Variants in LRCH1 observed in about 807,000 individuals in gnomAD.
LRCH1 encodes the protein leucine rich repeats and calponin homology domain containing 1.
Under a neutral mutation model 94.9 loss-of-function variants are expected in LRCH1, and 23 were observed. The ratio of observed to expected loss-of-function variants is 0.24; its 90% CI spans 0.17 to 0.34. The LOEUF (loss-of-function observed/expected upper bound fraction) is 0.34, where lower values mean the gene tolerates loss of function less well. Ranked by LOEUF, LRCH1 falls within the 10% of genes least tolerant of loss-of-function variation. The probability of loss-of-function intolerance (pLI) is 1.00; values close to 1 mark genes in which losing one functional copy is unlikely to be tolerated. For synonymous variants in LRCH1, 364 were observed against 354.9 expected (o/e 1.03, Z -0.29); for missense variants, 790 against 945.9 (o/e 0.84, Z 2.16).
At chr13:46,625,225 C>T (rs1472529557) in intron 1 of LRCH1, among the ~76,000 whole-genome samples, 1 of 152,244 alleles carries the variant, frequency 6.6e-6, no homozygotes, top group Non-Finnish European at 1.5e-5. Flanking sequence ...GTACCCTCTT[C>T]CATACTCTTC....
intron 1 of LRCH1, among the ~76,000 whole-genome samples, chr13:46,611,925 T>C (rs1372329306): frequency 6.6e-6 from 1 of 152,234 alleles, no homozygotes; most frequent in Non-Finnish European, 1.5e-5. Flanking sequence ...TTGCCATTGT[T>C]GTCAGTATGT....
At chr13:46,562,712 A>C (rs778444267) in intron 1 of LRCH1, among the ~76,000 whole-genome samples, 13 of 152,058 alleles carry the variant, frequency 8.5e-5, no homozygotes, top group Non-Finnish European at 1.9e-4. Context: ...GTGTAAACTG[A>C]TCTTGGACTT....
At chr13:46,697,093 A>G (rs1002785337) in intron 9 of LRCH1, among the ~76,000 whole-genome samples, 4 of 152,190 alleles carry the variant, frequency 2.6e-5, no homozygotes, top group Non-Finnish European at 5.9e-5. Flanking sequence ...TATGCTTTAC[A>G]TAATCCTGTT....
chr13:46,659,162 A>AGATT (rs1465028472), intron 2 of LRCH1, among the ~76,000 whole-genome samples: 2 of 128,394 alleles, frequency 1.6e-5, no homozygotes, highest in African/African-American at 3.0e-5. Context: ...CAAATACTTC[A>AGATT]GATTTATTTA....
chr13:46,733,502 A>G lies in LRCH1; in HGVS notation c.2008-419A>G, dbSNP rs183774241. Among the ~76,000 whole-genome samples the G allele has an allele frequency of 1.1e-3, 169 of 152,328 alleles. 1 individual carries two copies. The highest frequency in any genetic ancestry group is 0.01 in the Middle Eastern group (3 of 294). On this transcript the variant is annotated intron_variant, in intron 18 of 19. Coordinates refer to ENST00000389797, the MANE Select transcript of LRCH1 (RefSeq NM_001164211.2). ...TAGGCAAACTAAAACAGGTTACACA[A>G]CAGTATGATCCCGTAAAAACTATAT...
chr13:46,625,015 T>C (rs1376875449), intron 1 of LRCH1, among the ~76,000 whole-genome samples: 2 of 152,242 alleles, frequency 1.3e-5, no homozygotes, highest in African/African-American at 4.8e-5. Context: ...AACAGTCTAT[T>C]CAGCCTTACT....
chr13:46,573,467 G>A (rs2050263078), intron 1 of LRCH1, among the ~76,000 whole-genome samples: 1 of 152,114 alleles, frequency 6.6e-6, no homozygotes, highest in Admixed American at 6.6e-5. Context: ...GCCAAGATTT[G>A]AAAGCATCCT....
intron 1 of LRCH1, among the ~76,000 whole-genome samples, chr13:46,647,890 T>C (rs761933063): frequency 4.6e-5 from 7 of 152,024 alleles, no homozygotes; most frequent in African/African-American, 1.7e-4. Flanking sequence ...CCACCTTTAT[T>C]GCACACTTCA....
chr13:46,721,337 C>T (rs1193153152), intron 16 of LRCH1, among the ~76,000 whole-genome samples: 1 of 152,144 alleles, frequency 6.6e-6, no homozygotes, highest in Admixed American at 6.5e-5. Context: ...TTGAGGCGCC[C>T]CTTGCTGGCA....
rs534134201 is a variant in LRCH1, at chr13:46,626,561, TC to T, written c.308-23637del. The stretch of plus-strand genomic sequence containing the variant: ...ACATTGCTCTTAACTTCACCGCCTA[TC>T]CCAAAACCTATAAGAACTAATGATA... On this transcript the variant is annotated intron_variant, in intron 1 of 19. Transcript: ENST00000389797. Among the ~76,000 whole-genome samples the T allele has an allele frequency of 7.4e-3, 1,128 of 152,332 alleles. 6 individuals carry two copies. Among genetic ancestry groups the T allele is most frequent in the Non-Finnish European group, 0.012 (840 of 68,034 alleles).
chr13:46,741,736 C>T lies in LRCH1; in HGVS notation c.2180C>T (p.Pro727Leu), dbSNP rs1208041980. The change falls in exon 20 of 20, where the codon CCA becomes CTA. Residue 727 changes from proline (P) to leucine (L), a missense_variant. Transcript: ENST00000389797. ...CTGCTGGCACTCGGGGAGAAAGCCC[C>T]ACCACCAACTTCTGCCCTCCGCTCC... Reference protein sequence around the residue: ...DTLLALGEKAPPPTSALRSRD... With the variant: ...DTLLALGEKALPPTSALRSRD... 1 of 1,614,088 alleles carries T rather than the reference C, an allele frequency of 6.2e-7. No individual in the cohort carries two copies.
chr13:46,605,485 T>C (rs1363132619), intron 1 of LRCH1, among the ~76,000 whole-genome samples: 1 of 152,076 alleles, frequency 6.6e-6, no homozygotes, highest in African/African-American at 2.4e-5. Flanking sequence ...CACAATACAG[T>C]ATATGTGCTG....
chr13:46,616,284 C>A (rs1218284615), intron 1 of LRCH1, among the ~76,000 whole-genome samples: 1 of 152,178 alleles, frequency 6.6e-6, no homozygotes, highest in Non-Finnish European at 1.5e-5. Flanking sequence ...ATGGCAAAAA[C>A]CAGAAACAGA....
At chr13:46,636,035 C>G (rs1170351002) in intron 1 of LRCH1, among the ~76,000 whole-genome samples, 1 of 143,008 alleles carries the variant, frequency 7.0e-6, no homozygotes, top group East Asian at 2.2e-4. Context: ...ATATACAACA[C>G]AACATCCAAC....
intron 7 of LRCH1, among the ~76,000 whole-genome samples, chr13:46,691,117 C>T (rs1870872694): frequency 6.6e-6 from 1 of 152,132 alleles, no homozygotes; most frequent in South Asian, 2.1e-4. Flanking sequence ...AAAACCATAC[C>T]TCAAGAACTT....
At chr13:46,633,270 C>T (rs1046971220) in intron 1 of LRCH1, among the ~76,000 whole-genome samples, 2 of 152,120 alleles carry the variant, frequency 1.3e-5, no homozygotes, top group Non-Finnish European at 2.9e-5. Flanking sequence ...AGTAGTTTAG[C>T]CTACAATATT....
At chr13:46,713,328 C>G (rs1337137714) in intron 15 of LRCH1, among the ~76,000 whole-genome samples, 1 of 152,162 alleles carries the variant, frequency 6.6e-6, no homozygotes, top group Non-Finnish European at 1.5e-5. Flanking sequence ...ACACTTACTA[C>G]TGATGCTTTT....
intron 1 of LRCH1, among the ~76,000 whole-genome samples, chr13:46,564,304 C>T (rs1178567840): frequency 3.3e-5 from 5 of 152,256 alleles, no homozygotes; most frequent in South Asian, 4.2e-4. Context: ...TTGGTTCTCC[C>T]GCCAACCCAC....
chr13:46,727,921 CT>C (rs1555288189), intron 17 of LRCH1, among the ~76,000 whole-genome samples: 74 of 146,416 alleles, frequency 5.1e-4, no homozygotes, highest in South Asian at 8.5e-4. Flanking sequence ...TTCTTTCTTT[CT>C]TTTTTTTTTT....
Sources: allele counts gnomAD v4.1 joint callset (sites outside exome capture counted in the v4.1 genomes callset), GRCh38; gene constraint gnomAD v4.1.1; transcripts MANE v1.5; gene names NCBI Gene and HGNC (gene_info 2026-07-23, HGNC 2026-07-21).